Variants in ADAMTSL1 observed in about 807,000 individuals in gnomAD.
The protein encoded by ADAMTSL1 is ADAMTS-like protein 1.
Under a neutral mutation model 201.8 loss-of-function variants are expected in ADAMTSL1, and 126 were observed. The ratio of observed to expected loss-of-function variants is 0.62; its 90% confidence interval spans 0.54 to 0.72. The LOEUF (loss-of-function observed/expected upper bound fraction) is 0.72. Ranked by LOEUF, ADAMTSL1 falls within the 30% of genes least tolerant of loss-of-function variation. The pLI is 0.00. For missense variants in ADAMTSL1, 2,679 were observed against 2,277.8 expected (o/e 1.18, Z -3.59); for synonymous variants, 1,121 against 903.4 (o/e 1.24, Z -4.32).
At chr9:18,483,723 A>G (rs935248896) in intron 1 of ADAMTSL1, among the ~76,000 whole-genome samples, 1 of 152,170 alleles carries the variant, frequency 6.6e-6, no homozygotes, top group Non-Finnish European at 1.5e-5. Flanking sequence ...GCTACTCGGG[A>G]TGCTGAGGCA....
chr9:18,396,986 G>C (rs753756507), intron 2 of ADAMTSL1, among the ~76,000 whole-genome samples: 27 of 145,562 alleles, frequency 1.9e-4, no homozygotes, highest in Admixed American at 6.6e-4. Context: ...CATTGATCTG[G>C]CTCTTGTATT....
chr9:17,985,648 A>C (rs1413602826), intron 1 of ADAMTSL1, among the ~76,000 whole-genome samples: 5 of 152,108 alleles, frequency 3.3e-5, no homozygotes, highest in African/African-American at 1.2e-4. Flanking sequence ...TGAATGAGCA[A>C]CTTTGCATAT....
chr9:18,187,437 G>A (rs1411797), intron 2 of ADAMTSL1, among the ~76,000 whole-genome samples: 147,572 of 152,278 alleles, frequency 0.97, 71,685 homozygotes, highest in East Asian at 1. Context: ...TGATTTATTT[G>A]AAGATCTAAA....
At chr9:18,896,999 G>C (rs1250409173) in intron 26 of ADAMTSL1, among the ~76,000 whole-genome samples, 1 of 152,182 alleles carries the variant, frequency 6.6e-6, no homozygotes, top group Non-Finnish European at 1.5e-5. Flanking sequence ...AGTTCCTGGG[G>C]GAGGGGTAGC....
intron 2 of ADAMTSL1, among the ~76,000 whole-genome samples, chr9:18,444,678 T>G (rs1252649776): frequency 6.6e-6 from 1 of 152,086 alleles, no homozygotes; most frequent in Admixed American, 6.5e-5. Flanking sequence ...AAACAATTGG[T>G]AAAGGGAAAA....
chr9:18,681,264 G>A (rs1046219737), intron 11 of ADAMTSL1: 1 of 152,408 alleles, frequency 6.6e-6, no homozygotes, highest in African/African-American at 2.4e-5. Flanking sequence ...ACCATTAGAG[G>A]TGCAATCTAC....
intron 1 of ADAMTSL1, among the ~76,000 whole-genome samples, chr9:18,142,690 T>A (rs550524100): frequency 5.0e-4 from 76 of 152,306 alleles, no homozygotes; most frequent in African/African-American, 1.6e-3. Flanking sequence ...TCTATCACAG[T>A]ATGCTGGCTC....
At chr9:18,172,585 G>A (rs141244149) in intron 2 of ADAMTSL1, among the ~76,000 whole-genome samples, 216 of 152,004 alleles carry the variant, frequency 1.4e-3, no homozygotes, top group African/African-American at 5.1e-3. Context: ...GTGTCTATAA[G>A]GTTGAATATA....
At chr9:18,052,104 C>T (rs772865922) in intron 1 of ADAMTSL1, among the ~76,000 whole-genome samples, 4 of 152,218 alleles carry the variant, frequency 2.6e-5, no homozygotes, top group African/African-American at 9.6e-5. Context: ...GAAGGGTCCA[C>T]AGTCTTCACC....
rs1483872843 is a variant in ADAMTSL1 at position 18,711,257 on chromosome 9, T to C, written c.1876+4209T>C. Among the ~76,000 whole-genome samples the C allele has an allele frequency of 2.0e-5, 3 of 152,110 alleles. No homozygotes were observed. The South Asian group carries it at 6.2e-4, about 32-fold the overall frequency. Reference sequence around the variant, plus strand: ...CAGGCAAGGAGCCAAGATGGCCGAATAGGAACAGCTCCGATCTACAGCTCC... The same window carrying C: ...CAGGCAAGGAGCCAAGATGGCCGAACAGGAACAGCTCCGATCTACAGCTCC... On this transcript the variant is annotated intron_variant, in intron 14 of 28. Coordinates refer to ENST00000380548, the MANE Select transcript of ADAMTSL1 (RefSeq NM_001040272.6).
intron 21 of ADAMTSL1, among the ~76,000 whole-genome samples, chr9:18,817,628 G>C (rs1823944782): frequency 6.6e-6 from 1 of 152,208 alleles, no homozygotes. Flanking sequence ...GGAGCCCAGA[G>C]TGCAGAAATG....
chr9:18,788,523 A>T (rs944393965), intron 19 of ADAMTSL1, among the ~76,000 whole-genome samples: 4 of 152,134 alleles, frequency 2.6e-5, no homozygotes, highest in Admixed American at 6.5e-5. Context: ...TAGCTGAGCA[A>T]ATTGCTTCTG....
intron 3 of ADAMTSL1, among the ~76,000 whole-genome samples, chr9:18,552,776 T>G (rs1820865201): frequency 6.6e-6 from 1 of 151,754 alleles, no homozygotes; most frequent in Admixed American, 6.6e-5. Context: ...AGTTAGTGAC[T>G]GTCTTTATCA....
chr9:18,240,277 T>C (rs1057239987), intron 2 of ADAMTSL1, among the ~76,000 whole-genome samples: 1 of 152,062 alleles, frequency 6.6e-6, no homozygotes, highest in Non-Finnish European at 1.5e-5. Flanking sequence ...TCTCCTTACA[T>C]CTCTATCAGA....
chr9:18,865,983 T>A (rs1257961599), intron 23 of ADAMTSL1, among the ~76,000 whole-genome samples: 1 of 152,004 alleles, frequency 6.6e-6, no homozygotes, highest in Non-Finnish European at 1.5e-5. Flanking sequence ...ACTGTGAACT[T>A]CTTCGTTGAA....
At position 18,040,254 on chromosome 9, in the gene ADAMTSL1, C is replaced by T. The variant is rs188714371; in HGVS notation, c.88-123608C>T. ...TAACCTGGCTCTGTTTTCCCCAACC[C>T]TTTCTGGAAGCAAGGTAGGTGACAT... is the stretch of plus-strand genomic sequence containing the variant. On this transcript the variant is annotated intron_variant, in intron 1 of 29. Coordinates refer to the ADAMTSL1 transcript ENST00000680146. Among the ~76,000 whole-genome samples, 18 of 152,274 alleles carry T rather than the reference C, an allele frequency of 1.2e-4. No individual in the cohort carries two copies. The East Asian group carries it at 3.3e-3, about 28-fold the overall frequency.
At chr9:18,219,827 G>T (rs1029526954) in intron 2 of ADAMTSL1, among the ~76,000 whole-genome samples, 1 of 151,952 alleles carries the variant, frequency 6.6e-6, no homozygotes, top group Non-Finnish European at 1.5e-5. Context: ...TGATGATAGG[G>T]ATACAACTGA....
At chr9:18,160,824 C>T (rs1344986771) in intron 1 of ADAMTSL1, among the ~76,000 whole-genome samples, 4 of 149,910 alleles carry the variant, frequency 2.7e-5, no homozygotes, top group Non-Finnish European at 5.9e-5. Context: ...GGACTACCTG[C>T]ACATACCACC....
intron 15 of ADAMTSL1, among the ~76,000 whole-genome samples, chr9:18,728,093 TAAA>T (rs1818001796): frequency 3.3e-5 from 1 of 30,546 alleles, no homozygotes; most frequent in Non-Finnish European, 9.9e-5. Context: ...AATAAATAAA[TAAA>T]TAAATAAATA....
Sources: allele counts gnomAD v4.1 joint callset (sites outside exome capture counted in the v4.1 genomes callset), GRCh38; gene constraint gnomAD v4.1.1; transcripts MANE v1.5; gene names NCBI Gene and HGNC (gene_info 2026-07-23, HGNC 2026-07-21).